LRIG1: variants seen among roughly 807,000 people sequenced by gnomAD.
LRIG1 encodes leucine rich repeats and immunoglobulin like domains 1.
Under a neutral mutation model 99.2 loss-of-function variants are expected in LRIG1, and 48 were observed. That is an observed-to-expected ratio of 0.48 (90% CI 0.38 to 0.62). The LOEUF is 0.62. Ranked by LOEUF, LRIG1 falls within the 20% of genes least tolerant of loss-of-function variation. The pLI is 0.00. For missense variants in LRIG1, 1,646 were observed against 1,434.4 expected (o/e 1.15, Z -2.38); for synonymous variants, 772 against 596.1 (o/e 1.29, Z -4.30).
intron 2 of LRIG1, among the ~76,000 whole-genome samples, chr3:66,459,025 A>AT (rs552184336): frequency 9.5e-4 from 145 of 152,080 alleles, no homozygotes; most frequent in South Asian, 3.5e-3. Flanking sequence ...AAAAAAAAAA[A>AT]AAAAAGATAA....
intron 1 of LRIG1, among the ~76,000 whole-genome samples, chr3:66,469,590 C>CA (rs1300724756): frequency 6.6e-6 from 1 of 152,194 alleles, no homozygotes; most frequent in Admixed American, 6.5e-5. Flanking sequence ...TACTAGTTCA[C>CA]ACATGTCATC....
chr3:66,385,962 A>G lies in LRIG1; in HGVS notation c.1789+19T>C, dbSNP rs766150507. ...CTTTGTAGGATTCTGGTACTATAAC[A>G]AAGATGGTGTTTCCATACCATTCAC... On this transcript the variant is annotated intron_variant, in intron 13 of 18. Transcript: ENST00000273261. 1.1e-4 allele frequency: 170 copies of G among 1,605,598 alleles called. 1 individual carries two copies. Among genetic ancestry groups the G allele is most frequent in the Middle Eastern group, 9.9e-4 (6 of 6,036 alleles).
chr3:66,493,100 T>G (rs1342870954), intron 1 of LRIG1, among the ~76,000 whole-genome samples: 1 of 152,054 alleles, frequency 6.6e-6, no homozygotes, highest in African/African-American at 2.4e-5. Context: ...TCCCTCAAGG[T>G]TTTCCAAAGA....
chr3:66,422,695 A>G (rs1702858143), intron 3 of LRIG1, among the ~76,000 whole-genome samples: 1 of 152,196 alleles, frequency 6.6e-6, no homozygotes, highest in African/African-American at 2.4e-5. Context: ...CCAGTTCCAA[A>G]GTCACTTCCA....
chr3:66,497,551 T>G (rs1475478357), intron 1 of LRIG1, among the ~76,000 whole-genome samples: 1 of 152,108 alleles, frequency 6.6e-6, no homozygotes, highest in Non-Finnish European at 1.5e-5. Context: ...TAAGTTATTG[T>G]GCTGAAAAGT....
At chr3:66,447,944 A>G (rs1476481504) in intron 3 of LRIG1, among the ~76,000 whole-genome samples, 1 of 152,204 alleles carries the variant, frequency 6.6e-6, no homozygotes, top group African/African-American at 2.4e-5. Context: ...TTCTGCCCCC[A>G]TTTAACAAAA....
At chr3:66,396,645 C>T (rs892918184) in intron 11 of LRIG1, among the ~76,000 whole-genome samples, 2 of 152,246 alleles carry the variant, frequency 1.3e-5, no homozygotes, top group African/African-American at 2.4e-5. Flanking sequence ...GAGGTCCAAG[C>T]TTCTGGAAGG....
In LRIG1 at chr3:66,409,655, G is replaced by C. The variant is rs757310921; in HGVS notation, c.935+474C>G. Reference sequence around the variant, plus strand: ...CTACAGGAAGGAAGGTGGCGACTCCGAGGACACAAATTCATCCACAGTCAG... The same window carrying C: ...CTACAGGAAGGAAGGTGGCGACTCCCAGGACACAAATTCATCCACAGTCAG... On this transcript the variant is annotated intron_variant, in intron 7 of 18. Transcript: ENST00000273261. The C allele has an allele frequency of 8.7e-4, 136 of 156,004 alleles. 1 individual carries two copies. The highest frequency in any genetic ancestry group is 1.1e-3 in the Non-Finnish European group (74 of 69,506). 9.7% of individuals were successfully genotyped at this position (156,004 alleles called of 1,614,324 possible).
chr3:66,417,108 T>TGGCA (rs1451715170), intron 4 of LRIG1, 21 bp downstream of exon 4: 1 of 1,612,070 alleles, frequency 6.2e-7, no homozygotes, highest in African/African-American at 1.3e-5. Context: ...CAGCCACAGG[T>TGGCA]GGCAGAACAG....
chr3:66,400,815 T>G (rs777264828), intron 9 of LRIG1, among the ~76,000 whole-genome samples: 4 of 152,176 alleles, frequency 2.6e-5, no homozygotes, highest in Non-Finnish European at 5.9e-5. Flanking sequence ...GGCCGCTGCT[T>G]CTTCCTGACT....
intron 2 of LRIG1, 71 bp downstream of exon 2, chr3:66,462,367 T>C: frequency 9.1e-7 from 1 of 1,102,528 alleles, no homozygotes; most frequent in Non-Finnish European, 1.4e-6. Context: ...TGAGCGATGC[T>C]GCAATACAAG....
At chr3:66,382,617 C>G (rs574602572) in intron 15 of LRIG1, among the ~76,000 whole-genome samples, 3 of 145,448 alleles carry the variant, frequency 2.1e-5, no homozygotes, top group South Asian at 4.2e-4. Context: ...ATGCCAGACG[C>G]CACAAGAAGT....
chr3:66,414,713 G>C (rs1276562759), intron 5 of LRIG1, among the ~76,000 whole-genome samples: 1 of 152,178 alleles, frequency 6.6e-6, no homozygotes, highest in East Asian at 1.9e-4. Context: ...GACCTCAGTG[G>C]ATGTCTTTCT....
intron 3 of LRIG1, among the ~76,000 whole-genome samples, chr3:66,417,920 G>C (rs931232534): frequency 2.0e-5 from 3 of 152,056 alleles, no homozygotes; most frequent in Non-Finnish European, 2.9e-5. Flanking sequence ...ATTAAGCATT[G>C]TGCCTCGGTT....
chr3:66,414,318 AC>A (rs1310268572), intron 5 of LRIG1, among the ~76,000 whole-genome samples: 1 of 151,690 alleles, frequency 6.6e-6, no homozygotes, highest in East Asian at 1.9e-4. Context: ...AATGGTGTGA[AC>A]CCCGGGGGCG....
At chr3:66,481,711 A>G (rs1700855953) in intron 1 of LRIG1, among the ~76,000 whole-genome samples, 1 of 152,224 alleles carries the variant, frequency 6.6e-6, no homozygotes, top group South Asian at 2.1e-4. Context: ...AAACCTTTAC[A>G]GGAAGTAGTG....
intron 11 of LRIG1, among the ~76,000 whole-genome samples, chr3:66,394,964 CAG>C (rs1016051282): frequency 3.3e-4 from 50 of 152,338 alleles, no homozygotes; most frequent in African/African-American, 1.1e-3. Context: ...CCAACCAAAA[CAG>C]AGAATATTTT....
chr3:66,401,727 CTA>C, intron 9 of LRIG1: 1 of 1,344,628 alleles, frequency 7.4e-7, no homozygotes, highest in Non-Finnish European at 1.0e-6. Context: ...TGGGAGGACA[CTA>C]TTTCTGTACC....
chr3:66,453,234 T>C (rs9870850), intron 2 of LRIG1, among the ~76,000 whole-genome samples: 7,422 of 152,276 alleles, frequency 0.049, 521 homozygotes, highest in African/African-American at 0.16. Context: ...GCCTAAGAAC[T>C]CTTTCATTGC....
Sources: gnomAD v4.1 joint callset for allele counts (sites outside exome capture counted in the v4.1 genomes callset) on GRCh38, gnomAD v4.1.1 for gene constraint, MANE v1.5 for transcripts, NCBI Gene and HGNC (gene_info 2026-07-23, HGNC 2026-07-21) for gene names.